The following MOB2 variants were observed in gnomAD, a reference collection of about 807,000 sequenced individuals.
MOB2 encodes MOB kinase activator 2, also known as MOB2 Mps One Binder homolog.
Under a neutral mutation model 27.4 loss-of-function variants are expected in MOB2, and 14 were observed. The ratio of observed to expected loss-of-function variants is 0.51; its 90% CI spans 0.34 to 0.80. The LOEUF is 0.80. Ranked by LOEUF, MOB2 falls within the 30% of genes least tolerant of loss-of-function variation. The pLI, the probability that MOB2 is intolerant of heterozygous loss-of-function variation, is 0.01. For missense variants in MOB2, 304 were observed against 354.6 expected (o/e 0.86, Z 1.15); for synonymous variants, 167 against 151.8 (o/e 1.10, Z -0.74).
intron 1 of MOB2, among the ~76,000 whole-genome samples, chr11:1,482,329 G>A (rs1290181396): frequency 6.6e-6 from 1 of 152,244 alleles, no homozygotes; most frequent in Non-Finnish European, 1.5e-5. Flanking sequence ...CTCTCAGGGT[G>A]TGCCCCAGGG....
intron 3 of MOB2, among the ~76,000 whole-genome samples, chr11:1,477,045 C>A (rs1471661729): frequency 6.6e-6 from 1 of 152,100 alleles, no homozygotes; most frequent in East Asian, 1.9e-4. Context: ...GATGGGTGTT[C>A]TGCTGTTGAG....
chr11:1,476,018 G>A lies in MOB2; in HGVS notation c.365+4375C>T, dbSNP rs1392060173. Among the ~76,000 whole-genome samples, 8 of 152,312 alleles carry A rather than the reference G, an allele frequency of 5.3e-5. No individual in the cohort carries two copies. In the South Asian group the frequency reaches 1.0e-3, roughly 20 times the overall value. On this transcript the variant is annotated intron_variant, in intron 3 of 4. Transcript: ENST00000329957. ...TGTCACATAAGAGCAACCTGAGCAC[G>A]AGCACCCTGGCACTGCGGCAGTGGA...
chr11:1,484,584 C>G (rs1455090221), intron 1 of MOB2, among the ~76,000 whole-genome samples: 6 of 152,114 alleles, frequency 3.9e-5, no homozygotes, highest in Non-Finnish European at 8.8e-5. Flanking sequence ...CCAGGGTGCA[C>G]GCCACGGGCA....
intron 3 of MOB2, among the ~76,000 whole-genome samples, chr11:1,474,937 A>C (rs1350573549): frequency 1.3e-5 from 2 of 152,210 alleles, no homozygotes; most frequent in African/African-American, 4.8e-5. Flanking sequence ...CCTCCATATA[A>C]ATTTTAGAAC....
chr11:1,470,154 CT>C lies in MOB2; in HGVS notation c.*17del, dbSNP rs1209666962. 8 of 1,575,142 alleles carry C rather than the reference CT, an allele frequency of 5.1e-6. No individual in the cohort carries two copies. Among genetic ancestry groups the C allele is most frequent in the African/African-American group, 1.3e-5 (1 of 74,108 alleles). On this transcript the variant is annotated 3_prime_UTR_variant, in exon 5 of 5. Transcript: ENST00000329957. ...ACCGTCTCTTTGCACACGTGTGCCC[CT>C]GTCCGGCCCGGGGGGCTCATCTCTC...
chr11:1,481,821 A>G (rs1336434479), intron 1 of MOB2, among the ~76,000 whole-genome samples: 1 of 152,084 alleles, frequency 6.6e-6, no homozygotes, highest in Non-Finnish European at 1.5e-5. Flanking sequence ...ATCTCTCCAG[A>G]GCACAGGGCG....
chr11:1,480,057 TC>T (rs1353538876), intron 3 of MOB2, among the ~76,000 whole-genome samples: 1 of 152,216 alleles, frequency 6.6e-6, no homozygotes, highest in Non-Finnish European at 1.5e-5. Flanking sequence ...GCCCTCACTG[TC>T]CCATCCAGAG....
chr11:1,481,268 C>T, intron 1 of MOB2: 1 of 316,952 alleles, frequency 3.2e-6, no homozygotes, highest in South Asian at 2.6e-5. Flanking sequence ...CAAACCCTCT[C>T]ACTCCTGGCT....
At chr11:1,485,622 A>T (rs896389955) in intron 1 of MOB2, among the ~76,000 whole-genome samples, 1 of 152,028 alleles carries the variant, frequency 6.6e-6, no homozygotes, top group Admixed American at 6.6e-5. Context: ...CCAGCAGGCC[A>T]CGCTCGCCTC....
At chr11:1,482,147 C>T (rs755840371) in intron 1 of MOB2, among the ~76,000 whole-genome samples, 4 of 152,222 alleles carry the variant, frequency 2.6e-5, no homozygotes, top group Admixed American at 1.3e-4. Flanking sequence ...AGCCTGGGCT[C>T]GGCCTTCCCA....
chr11:1,470,165 G>A lies in MOB2; in HGVS notation c.*7C>T, dbSNP rs993203738. On this transcript the variant is annotated 3_prime_UTR_variant, in exon 5 of 5. Transcript: ENST00000329957. ...GCACACGTGTGCCCCTGTCCGGCCCGGGGGGCTCATCTCTCCTTCACGTGG... is the reference window on the plus strand; with the variant it reads ...GCACACGTGTGCCCCTGTCCGGCCCAGGGGGCTCATCTCTCCTTCACGTGG... 26 of 1,588,550 alleles carry A rather than the reference G, an allele frequency of 1.6e-5. No individual in the cohort carries two copies. Among genetic ancestry groups the A allele is most frequent in the Admixed American group, 1.3e-4 (7 of 55,912 alleles).
intron 3 of MOB2, among the ~76,000 whole-genome samples, chr11:1,476,419 T>C (rs181094614): frequency 8.0e-4 from 122 of 152,342 alleles, no homozygotes; most frequent in African/African-American, 2.8e-3. Context: ...ATTATCCTTT[T>C]AACATCCACT....
At chr11:1,483,027 C>T (rs983287731) in intron 1 of MOB2, among the ~76,000 whole-genome samples, 6 of 152,248 alleles carry the variant, frequency 3.9e-5, no homozygotes, top group Non-Finnish European at 5.9e-5. Flanking sequence ...GCACACGACA[C>T]CTCCATGGCA....
At chr11:1,480,621 C>T (rs1025987582) in intron 2 of MOB2, 104 bp downstream of exon 2, 53 of 1,525,898 alleles carry the variant, frequency 3.5e-5, no homozygotes, top group East Asian at 9.2e-5. Flanking sequence ...TCTCCCCTCG[C>T]GGCAGGGGGC....
chr11:1,486,341 C>T (rs1460856302), intron 1 of MOB2, 106 bp downstream of exon 1: 3 of 852,314 alleles, frequency 3.5e-6, no homozygotes, highest in South Asian at 1.6e-5. Flanking sequence ...AGGGCAGCCA[C>T]GGACACAGTC....
rs1847749540 is a variant in MOB2 at position 1,469,485 on chromosome 11, GTGAACAGA to G, written c.*679_*686del. 1 of 446,524 alleles carries G rather than the reference GTGAACAGA, an allele frequency of 2.2e-6. No homozygotes were observed. Among genetic ancestry groups the G allele is most frequent in the Non-Finnish European group, 4.6e-6 (1 of 219,742 alleles). The allele number at this position is 446,524 out of a possible 1,614,324, so 27.7% of individuals were successfully genotyped here. ...CCTGAGAGAATTCTTTTTATTACGAGTGAACAGATGAACTAAGGTAAGCGGGTCTCAGC... is the reference window on the plus strand; with the variant it reads ...CCTGAGAGAATTCTTTTTATTACGAGTGAACTAAGGTAAGCGGGTCTCAGC... On this transcript the variant is annotated 3_prime_UTR_variant, in exon 5 of 5. Coordinates refer to ENST00000329957, the MANE Select transcript of MOB2 (RefSeq NM_001172223.3).
chr11:1,471,385 CCTT>C lies in MOB2; in HGVS notation c.397_399del (p.Lys133del). On this transcript the variant is annotated inframe_deletion, in exon 4 of 5. Coordinates refer to ENST00000329957, the MANE Select transcript of MOB2 (RefSeq NM_001172223.3). Reference sequence around the variant, plus strand: ...ACGTACTGTGGGGCCGTGCACTTGACCTTCTTCCCCCGCTCGTCATACCAGTAG... The same window carrying C: ...ACGTACTGTGGGGCCGTGCACTTGACCTTCCCCCGCTCGTCATACCAGTAG... The C allele has an allele frequency of 1.9e-6, 3 of 1,613,484 alleles. No individual in the cohort carries two copies. The highest frequency in any genetic ancestry group is 2.5e-6 in the Non-Finnish European group (3 of 1,179,780).
In MOB2 at chr11:1,486,730, G is replaced by C; in HGVS notation, c.-174C>G. 1.7e-6 allele frequency: 1 copy of C among 592,588 alleles called. No individual in the cohort carries two copies. The highest frequency in any genetic ancestry group is 3.0e-6 in the Non-Finnish European group (1 of 332,404). The allele number at this position is 592,588 out of a possible 1,614,324, so 36.7% of individuals were successfully genotyped here. A position where few individuals can be genotyped will look rare whatever the true frequency, so the allele number is the denominator to read the frequency against. On this transcript the variant is annotated 5_prime_UTR_variant, in exon 1 of 5. Transcript: ENST00000329957. Reference sequence around the variant, plus strand: ...AAGGGCTGGCCAAGGCTGGTGAAACGAGGGAGCGTCTGAATTGGCCTTTTC... The same window carrying C: ...AAGGGCTGGCCAAGGCTGGTGAAACCAGGGAGCGTCTGAATTGGCCTTTTC...
At position 1,469,986 on chromosome 11, in the gene MOB2, CAG is replaced by C. The variant is rs560089241; in HGVS notation, c.*184_*185del. ...CTACAAACGGCACGCATCCATCCGACAGGGGGCCACAGGACACGGCCGGGGCC... is the reference window on the plus strand; with the variant it reads ...CTACAAACGGCACGCATCCATCCGACGGGGCCACAGGACACGGCCGGGGCC... On this transcript the variant is annotated 3_prime_UTR_variant, in exon 5 of 5. Coordinates refer to ENST00000329957, the MANE Select transcript of MOB2 (RefSeq NM_001172223.3). 2,923 of 1,465,180 alleles carry C rather than the reference CAG, an allele frequency of 2.0e-3. 3 individuals are homozygous for C. The highest frequency in any genetic ancestry group is 2.4e-3 in the Non-Finnish European group (2,571 of 1,083,068). 90.8% of individuals were successfully genotyped at this position (1,465,180 alleles called of 1,614,324 possible). A position where few individuals can be genotyped will look rare whatever the true frequency, so the allele number is the denominator to read the frequency against.
Sources: gnomAD v4.1 joint callset for allele counts (sites outside exome capture counted in the v4.1 genomes callset) on GRCh38, gnomAD v4.1.1 for gene constraint, MANE v1.5 for transcripts, NCBI Gene and HGNC (gene_info 2026-07-23, HGNC 2026-07-21) for gene names.